The following NCKAP5 variants were observed in gnomAD, a reference collection of about 807,000 sequenced individuals.
NCKAP5 encodes the protein nck-associated protein 5.
NCKAP5 carries 92 observed loss-of-function variants against 167.0 expected under a neutral mutation model. That is an observed-to-expected ratio of 0.55 (90% CI 0.47 to 0.66). The LOEUF is 0.66. Among genes scored for constraint, NCKAP5 ranks in the 30% least tolerant of loss-of-function variants. NCKAP5 has a pLI of 0.00. For missense variants in NCKAP5, 2,378 were observed against 2,315.0 expected, an observed-to-expected ratio of 1.03 and a Z score of -0.56; for synonymous variants, 891 against 877.4, an observed-to-expected ratio of 1.02 and a Z score of -0.27.
At chr2:132,944,374 A>G (rs986006944) in intron 8 of NCKAP5, among the ~76,000 whole-genome samples, 4 of 152,248 alleles carry the variant, frequency 2.6e-5, no homozygotes, top group Admixed American at 2.6e-4. Flanking sequence ...AATTTTATCT[A>G]ACATTTTTAT....
At chr2:132,957,785 C>G (rs556420515) in intron 8 of NCKAP5, among the ~76,000 whole-genome samples, 1 of 152,304 alleles carries the variant, frequency 6.6e-6, no homozygotes, top group South Asian at 2.1e-4. Context: ...CATAAGACCC[C>G]TATTCTAGAA....
intron 18 of NCKAP5, 148 bp downstream of exon 18, chr2:132,728,668 G>T: frequency 9.9e-7 from 1 of 1,014,356 alleles, no homozygotes; most frequent in Non-Finnish European, 1.4e-6. Context: ...CAGGGGAAAG[G>T]GTGAACCCTA....
intron 5 of NCKAP5, 45 bp from the exon 6 acceptor site, chr2:133,130,156 A>G (rs201083002): frequency 1.1e-5 from 17 of 1,570,452 alleles, no homozygotes; most frequent in Non-Finnish European, 1.4e-5. Context: ...GGTGTTTATG[A>G]CAAAAATAAG....
At chr2:133,464,840 G>C (rs1692443181) in intron 3 of NCKAP5, among the ~76,000 whole-genome samples, 1 of 152,000 alleles carries the variant, frequency 6.6e-6, no homozygotes, top group Non-Finnish European at 1.5e-5. Flanking sequence ...AACTTAAGAA[G>C]AGAACTTGCA....
At chr2:132,914,713 G>A (rs1373815614) in intron 8 of NCKAP5, among the ~76,000 whole-genome samples, 1 of 151,962 alleles carries the variant, frequency 6.6e-6, no homozygotes, top group Non-Finnish European at 1.5e-5. Flanking sequence ...TAAGACCTGT[G>A]CATTTCACCA....
At chr2:133,484,332 A>G (rs1197475601) in intron 3 of NCKAP5, among the ~76,000 whole-genome samples, 2 of 152,172 alleles carry the variant, frequency 1.3e-5, no homozygotes, top group Non-Finnish European at 2.9e-5. Flanking sequence ...TAGGAATTTC[A>G]AAGCAGAGAG....
At chr2:132,780,903 C>T (rs1682973478) in intron 15 of NCKAP5, 149 bp downstream of exon 15, 3 of 856,870 alleles carry the variant, frequency 3.5e-6, no homozygotes, top group African/African-American at 1.7e-5. Context: ...CAGGATTTCG[C>T]TCTCTTTTTA....
chr2:133,374,112 T>C lies in NCKAP5; in HGVS notation c.70-71002A>G, dbSNP rs78966443. Among the ~76,000 whole-genome samples the C allele has an allele frequency of 2.0e-3, 305 of 152,344 alleles. 2 individuals are homozygous for C. The highest frequency in any genetic ancestry group is 7.1e-3 in the African/African-American group (294 of 41,574). On this transcript the variant is annotated intron_variant, in intron 3 of 19. Transcript: ENST00000409261. ...TGCCAAAACTTGGAAGCAAACAAAA[T>C]GTTTCTCCATAGGTGAACGGATAAA... is the stretch of plus-strand genomic sequence containing the variant.
intron 3 of NCKAP5, among the ~76,000 whole-genome samples, chr2:133,484,375 T>C (rs952606597): frequency 6.6e-6 from 1 of 152,122 alleles, no homozygotes; most frequent in Non-Finnish European, 1.5e-5. Context: ...ATCCCGATAG[T>C]GAGTAAGTTC....
intron 2 of NCKAP5, among the ~76,000 whole-genome samples, chr2:133,524,553 T>C (rs958448608): frequency 6.6e-6 from 1 of 152,142 alleles, no homozygotes; most frequent in Non-Finnish European, 1.5e-5. Flanking sequence ...GGGAAAGAAC[T>C]TCAAATGGCA....
chr2:133,528,245 C>A (rs555985648), intron 2 of NCKAP5, among the ~76,000 whole-genome samples: 1 of 152,006 alleles, frequency 6.6e-6, no homozygotes, highest in Non-Finnish European at 1.5e-5. Context: ...TATACACACA[C>A]ATATAGTCAT....
At chr2:133,638,090 C>G in the NCKAP5 span, among the ~76,000 whole-genome samples, 2 of 152,122 alleles carry the variant, frequency 1.3e-5, no homozygotes, top group African/African-American at 2.4e-5. Context: ...CAATTTCATA[C>G]CTAGCTGAAT....
chr2:133,659,411 T>C, the NCKAP5 span, among the ~76,000 whole-genome samples: 5 of 152,086 alleles, frequency 3.3e-5, no homozygotes, highest in Admixed American at 1.3e-4. Flanking sequence ...TAAGAGTATA[T>C]CTTAATGACC....
At chr2:133,523,793 T>C (rs935637143) in intron 2 of NCKAP5, among the ~76,000 whole-genome samples, 2 of 152,160 alleles carry the variant, frequency 1.3e-5, no homozygotes, top group Non-Finnish European at 2.9e-5. Flanking sequence ...ACGGTAGGCA[T>C]GCAAAGAATA....
intron 8 of NCKAP5, among the ~76,000 whole-genome samples, chr2:132,962,733 G>GGT (rs1423972371): frequency 6.6e-6 from 1 of 152,110 alleles, no homozygotes; most frequent in East Asian, 1.9e-4. Flanking sequence ...TGGGACTACA[G>GGT]GCACGTGCCA....
chr2:132,816,265 CT>C, intron 11 of NCKAP5, among the ~76,000 whole-genome samples: 1 of 152,132 alleles, frequency 6.6e-6, no homozygotes, highest in East Asian at 1.9e-4. Context: ...AAGAATCACC[CT>C]TTCGGCAGCA....
intron 16 of NCKAP5, among the ~76,000 whole-genome samples, chr2:132,770,133 A>G (rs1454014448): frequency 6.6e-6 from 1 of 152,126 alleles, no homozygotes; most frequent in Non-Finnish European, 1.5e-5. Flanking sequence ...TGCTCAAACC[A>G]GTATTGAGTG....
intron 2 of NCKAP5, among the ~76,000 whole-genome samples, chr2:133,538,583 C>T (rs867301445): frequency 9.2e-5 from 14 of 152,048 alleles, no homozygotes; most frequent in African/African-American, 3.4e-4. Flanking sequence ...AGGAAAAGGA[C>T]ACCGAAGTCT....
chr2:132,991,279 A>G (rs568473126), intron 7 of NCKAP5, among the ~76,000 whole-genome samples: 80 of 152,314 alleles, frequency 5.3e-4, no homozygotes, highest in African/African-American at 1.9e-3. Context: ...TGGGGCTCTG[A>G]ACTAGGTAAA....
Sources: gnomAD v4.1 joint callset for allele counts (sites outside exome capture counted in the v4.1 genomes callset) on GRCh38, gnomAD v4.1.1 for gene constraint, MANE v1.5 for transcripts, NCBI Gene and HGNC (gene_info 2026-07-23, HGNC 2026-07-21) for gene names.